Variants in SPDYE12 observed in about 807,000 individuals in gnomAD.
The protein encoded by SPDYE12 is speedy/RINGO cell cycle regulator family member E12.
chr7:74,909,660 A>G, the SPDYE12 span: 65 of 1,551,022 alleles, frequency 4.2e-5, no homozygotes, highest in African/African-American at 7.7e-4. Flanking sequence ...TGGGAGAGGA[A>G]GATTGTGGAG....
the SPDYE12 span, chr7:74,910,721 A>G: frequency 1.4e-6 from 2 of 1,388,356 alleles, no homozygotes; most frequent in Non-Finnish European, 2.0e-6. Flanking sequence ...AACAAAAAAA[A>G]ACTGTAGGAG....
At chr7:74,908,932 C>T in the SPDYE12 span, among the ~76,000 whole-genome samples, 3 of 149,362 alleles carry the variant, frequency 2.0e-5, no homozygotes, top group African/African-American at 2.4e-5. Context: ...CCGCCCACCT[C>T]GGCCTCCCAA....
At chr7:74,912,764 TTTC>T in the SPDYE12 span, among the ~76,000 whole-genome samples, 5 of 70,022 alleles carry the variant, frequency 7.1e-5, no homozygotes, top group Admixed American at 4.8e-4. Flanking sequence ...CCTTCTTTTT[TTTC>T]TTCTTTTTTT....
chr7:74,909,671 A>C, the SPDYE12 span: 1 of 1,562,652 alleles, frequency 6.4e-7, no homozygotes, highest in South Asian at 1.1e-5. Context: ...GATTGTGGAG[A>C]TAGTGGAATG....
chr7:74,908,078 T>C, the SPDYE12 span, among the ~76,000 whole-genome samples: 1 of 149,144 alleles, frequency 6.7e-6, no homozygotes, highest in African/African-American at 2.4e-5. Context: ...CATGCAGAAG[T>C]TGGAAGATGA....
At chr7:74,906,125 G>A in the SPDYE12 span, among the ~76,000 whole-genome samples, 12 of 121,388 alleles carry the variant, frequency 9.9e-5, no homozygotes, top group Admixed American at 1.7e-4. Context: ...ACTTGTAACC[G>A]TGCTAGATCT....
the SPDYE12 span, among the ~76,000 whole-genome samples, chr7:74,908,924 G>A: frequency 6.7e-6 from 1 of 148,280 alleles, no homozygotes. Flanking sequence ...CTTGTGATCC[G>A]CCCACCTCGG....
the SPDYE12 span, chr7:74,909,649 T>C: frequency 6.6e-7 from 1 of 1,524,118 alleles, no homozygotes; most frequent in Non-Finnish European, 9.1e-7. Flanking sequence ...AGGTCACATC[T>C]TGGGAGAGGA....
the SPDYE12 span, among the ~76,000 whole-genome samples, chr7:74,907,729 C>A: frequency 7.4e-6 from 1 of 134,592 alleles, no homozygotes; most frequent in African/African-American, 3.1e-5. Context: ...ACACTCTTGT[C>A]TTGATAAATA....
chr7:74,914,981 T>G, the SPDYE12 span, among the ~76,000 whole-genome samples: 10,498 of 150,190 alleles, frequency 0.07, 240 homozygotes, highest in African/African-American at 0.24. Context: ...CCACATGGCT[T>G]CCTAACGGGC....
the SPDYE12 span, among the ~76,000 whole-genome samples, chr7:74,907,490 G>C: frequency 6.6e-6 from 1 of 151,262 alleles, no homozygotes; most frequent in African/African-American, 2.4e-5. Flanking sequence ...CCAGCGCTTT[G>C]GAAGGCTGAA....
the SPDYE12 span, among the ~76,000 whole-genome samples, chr7:74,914,415 A>ACAAAC: frequency 6.7e-5 from 4 of 59,328 alleles, no homozygotes; most frequent in Non-Finnish European, 1.0e-4. Flanking sequence ...ACAAAACAAA[A>ACAAAC]TTAGCCAGGT....
chr7:74,908,971 G>A, the SPDYE12 span, among the ~76,000 whole-genome samples: 12 of 143,016 alleles, frequency 8.4e-5, no homozygotes, highest in African/African-American at 2.1e-4. Context: ...GTGAGCCACC[G>A]CACCTGGCCT....
At chr7:74,910,801 A>G in the SPDYE12 span, 3 of 1,249,704 alleles carry the variant, frequency 2.4e-6, no homozygotes, top group Admixed American at 1.7e-5. Flanking sequence ...GCCGTGCGTT[A>G]GAACAGGAAC....
chr7:74,908,620 CT>C, the SPDYE12 span, among the ~76,000 whole-genome samples: 1 of 141,290 alleles, frequency 7.1e-6, no homozygotes. Flanking sequence ...TCCTTTTCTT[CT>C]CCCCTTAGGA....
chr7:74,909,467 C>A, the SPDYE12 span: 1 of 1,168,078 alleles, frequency 8.6e-7, no homozygotes, highest in South Asian at 1.2e-5. Flanking sequence ...ATCCCACTTC[C>A]CCCGCTGTCC....
chr7:74,914,235 ACTGGG>A, the SPDYE12 span, among the ~76,000 whole-genome samples: 5 of 20,694 alleles, frequency 2.4e-4, no homozygotes, highest in African/African-American at 7.6e-4. Flanking sequence ...TCTATAAGAT[ACTGGG>A]TGTACAAAAA....
At chr7:74,907,034 G>C in the SPDYE12 span, 1 of 1,578,712 alleles carries the variant, frequency 6.3e-7, no homozygotes, top group Non-Finnish European at 8.6e-7. Context: ...TCCTCGTACA[G>C]GAAGTAGAAG....
At chr7:74,910,604 G>A in the SPDYE12 span, among the ~76,000 whole-genome samples, 1,580 of 150,932 alleles carry the variant, frequency 0.01, 52 homozygotes, top group Middle Eastern at 0.017. Context: ...TGGGAGAATC[G>A]CTTGAACCCA....
Sources: gnomAD v4.1 joint callset for allele counts (sites outside exome capture counted in the v4.1 genomes callset) on GRCh38, gnomAD v4.1.1 for gene constraint, MANE v1.5 for transcripts, NCBI Gene and HGNC (gene_info 2026-07-23, HGNC 2026-07-21) for gene names.